Variants in FAM120B observed in about 807,000 individuals in gnomAD.
FAM120B encodes the protein constitutive coactivator of peroxisome proliferator-activated receptor gamma.
FAM120B carries 83 observed loss-of-function variants against 96.3 expected under a neutral mutation model. That is an observed-to-expected ratio of 0.86 (90% CI 0.72 to 1.03). The LOEUF is 1.03. Ranked by LOEUF, FAM120B falls within the 50% of genes least tolerant of loss-of-function variation. The pLI is 0.00. For missense variants in FAM120B, 1,027 were observed against 1,121.2 expected, an observed-to-expected ratio of 0.92 and a Z score of 1.20; for synonymous variants, 407 against 402.7, an observed-to-expected ratio of 1.01 and a Z score of -0.13.
upstream of FAM120B, among the ~76,000 whole-genome samples, chr6:170,292,924 A>G (rs928818973): frequency 1.3e-5 from 2 of 152,222 alleles, no homozygotes; most frequent in African/African-American, 4.8e-5. The surrounding 1 kb of genome is among the most constrained non-coding windows in gnomAD (Gnocchi z 6.6). Context: ...GCAGGCTGGG[A>G]TCACCGTGAA....
chr6:170,378,556 T>A (rs1307320865), intron 6 of FAM120B, among the ~76,000 whole-genome samples: 11 of 152,154 alleles, frequency 7.2e-5, no homozygotes. Context: ...AGAGAATGGG[T>A]ATCAGTGAGA....
At chr6:170,386,285 T>G (rs1005439697) in intron 6 of FAM120B, among the ~76,000 whole-genome samples, 1 of 152,154 alleles carries the variant, frequency 6.6e-6, no homozygotes, top group Non-Finnish European at 1.5e-5. Context: ...AAACATAAAG[T>G]CCTTTTTTTT....
chr6:170,357,990 A>G (rs573516370), intron 5 of FAM120B, among the ~76,000 whole-genome samples: 3 of 151,624 alleles, frequency 2.0e-5, no homozygotes, highest in Admixed American at 2.0e-4. Flanking sequence ...GCCTGTGTGT[A>G]CACCTGTGTG....
At position 170,391,752 on chromosome 6, in the gene FAM120B, A is replaced by G. The variant is rs528138425; in HGVS notation, c.2599+631A>G. Among the ~76,000 whole-genome samples the G allele has an allele frequency of 2.3e-4, 35 of 152,360 alleles. 1 individual carries two copies. In the South Asian group the frequency reaches 7.0e-3, roughly 31 times the overall value. ...GTTTATTTTTTCTTATGATAAAAGT[A>G]TATTATAAAAAATGAGTATAAAGAA... On this transcript the variant is annotated intron_variant, in intron 8 of 10. Transcript: ENST00000476287.
intron 9 of FAM120B, among the ~76,000 whole-genome samples, chr6:170,398,228 C>T (rs1778307661): frequency 6.6e-6 from 1 of 152,260 alleles, no homozygotes; most frequent in Admixed American, 6.5e-5. Context: ...CTTGAGTGTC[C>T]TTTCTAGCTC....
chr6:170,306,027 G>C (rs1583170118), upstream of FAM120B, among the ~76,000 whole-genome samples: 2 of 152,168 alleles, frequency 1.3e-5, no homozygotes, highest in Admixed American at 1.3e-4. Flanking sequence ...GAAGCATCCT[G>C]CTCCCTCACT....
intron 9 of FAM120B, among the ~76,000 whole-genome samples, chr6:170,398,815 G>T (rs75360807): frequency 2.0e-5 from 3 of 151,726 alleles, no homozygotes; most frequent in South Asian, 4.2e-4. Context: ...TAACTCTTAG[G>T]AGTGAGTGGG....
Position 170,346,813 on chromosome 6 carries a change from C to T in FAM120B, c.2018-1338C>T, listed in dbSNP as rs12665400. ...GCTGGGTTTGTCCCGAGACTGCACA[C>T]GTTGCCTGAGTTGGTTATTTTCCTG... On this transcript the variant is annotated intron_variant, in intron 4 of 10. Coordinates refer to ENST00000476287, the MANE Select transcript of FAM120B (RefSeq NM_032448.3). Among the ~76,000 whole-genome samples, 7,485 of 151,966 alleles carry T rather than the reference C, an allele frequency of 0.049. 1,065 individuals carry two copies. The East Asian group carries it at 0.57, about 12-fold the overall frequency.
At chr6:170,343,690 A>G (rs552787832) in intron 4 of FAM120B, among the ~76,000 whole-genome samples, 1 of 152,176 alleles carries the variant, frequency 6.6e-6, no homozygotes, top group African/African-American at 2.4e-5. Flanking sequence ...TTAAAACACA[A>G]ATTGCTGGGC....
intron 6 of FAM120B, among the ~76,000 whole-genome samples, chr6:170,361,190 ATATACGTG>A (rs1258136263): frequency 1.2e-4 from 10 of 84,464 alleles, no homozygotes; most frequent in Non-Finnish European, 1.5e-4. Context: ...AACTATATAT[ATATACGTG>A]TATATATATA....
intron 6 of FAM120B, among the ~76,000 whole-genome samples, chr6:170,381,489 C>G (rs1046203809): frequency 6.6e-6 from 1 of 152,050 alleles, no homozygotes; most frequent in African/African-American, 2.4e-5. Context: ...ACATTCTCTT[C>G]CAGAAAATAC....
intron 10 of FAM120B, 42 bp downstream of exon 10, chr6:170,404,643 G>T: frequency 1.4e-6 from 2 of 1,436,226 alleles, no homozygotes; most frequent in Non-Finnish European, 2.0e-6. Flanking sequence ...TCAGTCACAT[G>T]TCTGTCTTAA....
chr6:170,307,147 A>G (rs998149815), intron 1 of FAM120B, among the ~76,000 whole-genome samples: 5 of 152,084 alleles, frequency 3.3e-5, no homozygotes, highest in Admixed American at 2.0e-4. Flanking sequence ...TCTTGAGGTC[A>G]CCTCTGACCC....
Position 170,352,406 on chromosome 6 carries a change from C to T in FAM120B, c.2190+4083C>T, listed in dbSNP as rs1787638242. 5.9e-5 allele frequency among the ~76,000 whole-genome samples: 9 copies of T among 152,224 alleles called. No individual in the cohort carries two copies. The South Asian group carries it at 1.7e-3, about 28-fold the overall frequency. On this transcript the variant is annotated intron_variant, in intron 5 of 10. Transcript: ENST00000476287. ...TTAATAAAGACATTCATGACCTGAACTCAGCTCTGGATCACTTGGACCTGA... is the reference window on the plus strand; with the variant it reads ...TTAATAAAGACATTCATGACCTGAATTCAGCTCTGGATCACTTGGACCTGA...
In FAM120B at chr6:170,391,114, C is replaced by CCA. The variant is rs1160955376; in HGVS notation, c.2594_2595dup (p.Ala866ThrfsTer89). On this transcript the variant is annotated frameshift_variant, in exon 8 of 11. Transcript: ENST00000476287. LOFTEE classifies it high-confidence loss of function. ...CTGGCCGAGCCCACTGGGGCTCACA[C>CCA]CACGCAGGTGGGAAAGGGCCAGGTG... is the stretch of plus-strand genomic sequence containing the variant. The CCA allele has an allele frequency of 6.2e-7, 1 of 1,613,242 alleles. No individual in the cohort carries two copies. Among genetic ancestry groups the CCA allele is most frequent in the Non-Finnish European group, 8.5e-7 (1 of 1,179,224 alleles).
chr6:170,299,827 C>G (rs1784103366), intron 1 of FAM120B, among the ~76,000 whole-genome samples: 1 of 152,218 alleles, frequency 6.6e-6, no homozygotes, highest in Non-Finnish European at 1.5e-5. Context: ...CGTCAAGGCC[C>G]AAGTGCTCTC....
intron 6 of FAM120B, 140 bp downstream of exon 6, chr6:170,358,458 G>T: frequency 1.5e-6 from 1 of 647,332 alleles, no homozygotes; most frequent in South Asian, 1.9e-5. Context: ...GCAGTAGTTT[G>T]TCTTCGTCTC....
At chr6:170,293,560 G>A (rs1166338854), upstream of FAM120B, among the ~76,000 whole-genome samples, 1 of 152,120 alleles carries the variant, frequency 6.6e-6, no homozygotes, top group Non-Finnish European at 1.5e-5. Flanking sequence ...CCTGCCCAAA[G>A]CGTTCATTCT....
intron 6 of FAM120B, among the ~76,000 whole-genome samples, chr6:170,385,886 C>T (rs1018326408): frequency 6.6e-6 from 1 of 152,088 alleles, no homozygotes; most frequent in Non-Finnish European, 1.5e-5. Context: ...GAAAAAGCTG[C>T]CTACTGTCTG....
Sources: allele counts gnomAD v4.1 joint callset (sites outside exome capture counted in the v4.1 genomes callset), GRCh38; gene constraint gnomAD v4.1.1; non-coding constraint Gnocchi (gnomAD v3.1); transcripts MANE v1.5; gene names NCBI Gene and HGNC (gene_info 2026-07-23, HGNC 2026-07-21).